The following LIMCH1 variants were observed in gnomAD, a reference collection of about 807,000 sequenced individuals.
LIMCH1 encodes LIM and calponin homology domains 1, also known as LIM and calponin homology domains-containing protein 1.
Under a neutral mutation model 176.5 loss-of-function variants are expected in LIMCH1, and 113 were observed. The ratio of observed to expected loss-of-function variants is 0.64; its 90% CI spans 0.55 to 0.75. The LOEUF (loss-of-function observed/expected upper bound fraction) is 0.75, where lower values mean the gene tolerates loss of function less well. Among genes scored for constraint, LIMCH1 ranks in the 30% least tolerant of loss-of-function variants. The probability of loss-of-function intolerance (pLI) is 0.00; values close to 1 mark genes in which losing one functional copy is unlikely to be tolerated. For synonymous variants in LIMCH1, 619 were observed against 645.9 expected (o/e 0.96, Z 0.63); for missense variants, 1,674 against 1,814.9 (o/e 0.92, Z 1.41).
chr4:41,633,432 G>C (rs370947327), intron 12 of LIMCH1, 116 bp from the exon 13 acceptor site: 1 of 1,255,560 alleles, frequency 8.0e-7, no homozygotes, highest in Non-Finnish European at 1.1e-6. Flanking sequence ...TCTGTGTGCC[G>C]CTGCCTCCAG....
chr4:41,492,760 C>A (rs1352235709), intron 1 of LIMCH1, among the ~76,000 whole-genome samples: 1 of 152,064 alleles, frequency 6.6e-6, no homozygotes, highest in East Asian at 1.9e-4. Flanking sequence ...CTGTATAGTT[C>A]TATCTGTTTT....
chr4:41,580,606 A>G (rs565962104), intron 1 of LIMCH1, among the ~76,000 whole-genome samples: 3 of 152,286 alleles, frequency 2.0e-5, no homozygotes, highest in South Asian at 4.1e-4. Flanking sequence ...AGGACAAGTC[A>G]TTACTCAGCT....
chr4:41,579,821 C>T (rs112115960), intron 1 of LIMCH1, among the ~76,000 whole-genome samples: 16 of 152,244 alleles, frequency 1.1e-4, no homozygotes, highest in African/African-American at 3.6e-4. Context: ...ATACATGTAG[C>T]GGTCTGTTTG....
chr4:41,483,000 A>G (rs2068906255), intron 1 of LIMCH1, among the ~76,000 whole-genome samples: 1 of 152,152 alleles, frequency 6.6e-6, no homozygotes, highest in Admixed American at 6.5e-5. Context: ...ATACTCATAT[A>G]GGAAGTTTGG....
intron 31 of LIMCH1, among the ~76,000 whole-genome samples, chr4:41,694,667 G>C (rs953121557): frequency 6.6e-6 from 1 of 152,028 alleles, no homozygotes; most frequent in African/African-American, 2.4e-5. Context: ...TGGACACTTT[G>C]GTGGTTTCCC....
intron 1 of LIMCH1, among the ~76,000 whole-genome samples, chr4:41,413,186 A>G (rs1054355943): frequency 4.7e-5 from 7 of 150,482 alleles, no homozygotes; most frequent in Non-Finnish European, 8.9e-5. Context: ...ACAGAGAGCC[A>G]TGTTATTATA....
chr4:41,412,709 A>G (rs1360425443), intron 1 of LIMCH1, among the ~76,000 whole-genome samples: 6 of 152,192 alleles, frequency 3.9e-5, no homozygotes, highest in Admixed American at 2.6e-4. Flanking sequence ...TGAGAGACCA[A>G]GAGACTCTGG....
At chr4:41,656,732 A>G (rs2094474014) in intron 18 of LIMCH1, among the ~76,000 whole-genome samples, 1 of 152,112 alleles carries the variant, frequency 6.6e-6, no homozygotes, top group Non-Finnish European at 1.5e-5. Flanking sequence ...TTGTGTCCAG[A>G]TAAGTTGTCC....
rs139762376 is a variant in LIMCH1, at chr4:41,522,743, TG to T, written c.168-1662del. 3.9e-4 allele frequency among the ~76,000 whole-genome samples: 59 copies of T among 152,296 alleles called. 1 individual carries two copies. In the East Asian group the frequency reaches 0.011, roughly 29 times the overall value. On this transcript the variant is annotated intron_variant, in intron 2 of 26. Transcript: ENST00000313860. ...GCCTGAGTGTGCTACTAACCAGCTC[TG>T]GGGAAGTCACTCAGACTTCAATTCA...
chr4:41,591,299 T>G (rs963198906), intron 1 of LIMCH1, among the ~76,000 whole-genome samples: 2 of 152,144 alleles, frequency 1.3e-5, no homozygotes, highest in Admixed American at 6.5e-5. Context: ...TGAAGTACAG[T>G]GGTGCGATCA....
At position 41,360,959 on chromosome 4, in the gene LIMCH1, C is replaced by A. The variant is rs894832329; in HGVS notation, c.96+23C>A. ...GAGGTAGGTGCGGGTGGCTGGCGGG[C>A]GGCCTTGCACTGGCGCCCTGAGCCA... On this transcript the variant is annotated intron_variant, in intron 1 of 26. Coordinates refer to the LIMCH1 transcript ENST00000313860. The surrounding 1 kb of genome is among the most constrained non-coding windows in gnomAD (Gnocchi z 4.5). 3 of 1,537,406 alleles carry A rather than the reference C, an allele frequency of 2.0e-6. No homozygotes were observed. Among genetic ancestry groups the A allele is most frequent in the Non-Finnish European group, 2.6e-6 (3 of 1,139,816 alleles).
chr4:41,431,283 T>G (rs2154136306), intron 1 of LIMCH1, among the ~76,000 whole-genome samples: 1 of 152,324 alleles, frequency 6.6e-6, no homozygotes. Flanking sequence ...GAGCAGATTT[T>G]GAGGATCTAT....
chr4:41,584,715 A>G (rs566318666), intron 1 of LIMCH1, among the ~76,000 whole-genome samples: 5 of 152,288 alleles, frequency 3.3e-5, no homozygotes, highest in African/African-American at 1.2e-4. Context: ...ATACCTAACA[A>G]AATTGACCAT....
intron 3 of LIMCH1, among the ~76,000 whole-genome samples, chr4:41,528,769 T>C (rs1463325192): frequency 1.3e-5 from 2 of 152,120 alleles, no homozygotes; most frequent in African/African-American, 4.8e-5. Flanking sequence ...GCTGCTTGAC[T>C]TGAAGATAAA....
At chr4:41,671,759 A>T (rs976380138) in intron 22 of LIMCH1, among the ~76,000 whole-genome samples, 165 bp downstream of exon 22, 2 of 151,890 alleles carry the variant, frequency 1.3e-5, no homozygotes, top group African/African-American at 4.8e-5. Context: ...TCAGGTGTTC[A>T]AGATCAGGCT....
At chr4:41,442,403 C>T (rs1332232518) in intron 1 of LIMCH1, among the ~76,000 whole-genome samples, 3 of 152,242 alleles carry the variant, frequency 2.0e-5, no homozygotes, top group Admixed American at 6.5e-5. Context: ...AGTTTGGCCA[C>T]TTAGCATCAG....
intron 7 of LIMCH1, among the ~76,000 whole-genome samples, chr4:41,623,600 G>A (rs541682613): frequency 6.6e-6 from 1 of 152,058 alleles, no homozygotes; most frequent in South Asian, 2.1e-4. Context: ...TCCACTAAAA[G>A]TACCAAAAAA....
rs1731581149 is a variant in LIMCH1 at position 41,697,753 on chromosome 4, T to A, written c.*568T>A. On this transcript the variant is annotated 3_prime_UTR_variant, in exon 32 of 32. Coordinates refer to ENST00000503057, the MANE Select transcript of LIMCH1 (RefSeq NM_001330672.2). ...TAATATATACTGTAATCCTGAAACA[T>A]TTGTGTTACTTACCTTTGGAGGTAG... 1 of 152,338 alleles carries A rather than the reference T, an allele frequency of 6.6e-6. No homozygotes were observed. The highest frequency in any genetic ancestry group is 1.5e-5 in the Non-Finnish European group (1 of 68,132). The allele number at this position is 152,338 out of a possible 1,614,324, so 9.4% of individuals were successfully genotyped here. A position where few individuals can be genotyped will look rare whatever the true frequency, so the allele number is the denominator to read the frequency against.
chr4:41,506,010 C>T (rs2074119329), intron 2 of LIMCH1, among the ~76,000 whole-genome samples: 1 of 149,906 alleles, frequency 6.7e-6, no homozygotes, highest in Non-Finnish European at 1.5e-5. Context: ...ACTGGGAGAC[C>T]AAAGGATGGA....
Sources: gnomAD v4.1 joint callset for allele counts (sites outside exome capture counted in the v4.1 genomes callset) on GRCh38, gnomAD v4.1.1 for gene constraint, Gnocchi (gnomAD v3.1) non-coding constraint, MANE v1.5 for transcripts, NCBI Gene and HGNC (gene_info 2026-07-23, HGNC 2026-07-21) for gene names.